PRPF8: variants seen among roughly 807,000 people sequenced by gnomAD.
PRPF8 encodes the protein pre-mRNA processing factor 8, also known as pre-mRNA-processing-splicing factor 8.
In PRPF8, 64 loss-of-function variants were observed where a neutral mutation model predicts 285.9. The ratio of observed to expected loss-of-function variants is 0.22; its 90% CI spans 0.18 to 0.28. PRPF8 has a LOEUF of 0.28. Among genes scored for constraint, PRPF8 ranks in the 10% least tolerant of loss-of-function variants. PRPF8 has a pLI of 1.00. For missense variants in PRPF8, 1,426 were observed against 3,026.7 expected (o/e 0.47, Z 12.41); for synonymous variants, 1,325 against 1,118.2 (o/e 1.18, Z -3.69).
In PRPF8 at chr17:1,655,403, C is replaced by G; in HGVS notation, c.5934G>C (p.Lys1978Asn). 6.2e-7 allele frequency: 1 copy of G among 1,614,064 alleles called. No homozygotes were observed. ...WPTLTDEEWI[K>N]VEVQLKDLIL... is the part of the protein sequence containing the mutation. Reference sequence around the variant, plus strand: ...TCAGATCCTTGAGCTGCACCTCGACCTTGATCCATTCTTCGTCAGTCAGAG... The same window carrying G: ...TCAGATCCTTGAGCTGCACCTCGACGTTGATCCATTCTTCGTCAGTCAGAG... Residue 1978 changes from lysine to asparagine, a missense_variant, in exon 37 of 43, where the codon AAG (lysine) becomes AAC (asparagine). Physicochemically the swap from Lys to Asn is moderately conservative, Grantham distance 94. Transcript: ENST00000304992.
chr17:1,654,051 C>T (rs1291867954), intron 37 of PRPF8, 35 bp from the exon 38 acceptor site: 2 of 1,613,970 alleles, frequency 1.2e-6, no homozygotes, highest in South Asian at 2.2e-5. Flanking sequence ...TACAAGGATC[C>T]CTTCCCCTTG....
At chr17:1,668,578 G>T (rs993654211) in intron 24 of PRPF8, among the ~76,000 whole-genome samples, 20 of 151,768 alleles carry the variant, frequency 1.3e-4, no homozygotes, top group Non-Finnish European at 2.8e-4. Context: ...TAGCCAGGAT[G>T]GTCTCAATCT....
At chr17:1,682,418 C>A in intron 3 of PRPF8, 125 bp from the exon 4 acceptor site, 1 of 1,236,772 alleles carries the variant, frequency 8.1e-7, no homozygotes, top group South Asian at 1.3e-5. Context: ...CCAAACTTAG[C>A]CCACAGGCCC....
At chr17:1,672,051 C>G (rs1346070154) in intron 24 of PRPF8, among the ~76,000 whole-genome samples, 1 of 151,884 alleles carries the variant, frequency 6.6e-6, no homozygotes, top group African/African-American at 2.4e-5. Flanking sequence ...AAAAGAAAAT[C>G]TGAAATCCAA....
chr17:1,670,579 C>T (rs527752758), intron 24 of PRPF8, among the ~76,000 whole-genome samples: 2 of 151,946 alleles, frequency 1.3e-5, no homozygotes, highest in East Asian at 1.9e-4. Context: ...CTCCGCCTCC[C>T]GGGTTCCAGC....
Position 1,667,535 on chromosome 17 carries a change from T to C in PRPF8, c.3775-5382A>G, listed in dbSNP as rs535088899. On this transcript the variant is annotated intron_variant, in intron 24 of 42. Transcript: ENST00000304992. The stretch of plus-strand genomic sequence containing the variant: ...CAAGTTATAGAACTTGCCCATGACA[T>C]AGCTTTTTTTTTTTTTTTTTTTTTT... 3.4e-5 allele frequency among the ~76,000 whole-genome samples: 5 copies of C among 146,996 alleles called. No homozygotes were observed. The East Asian group carries it at 7.9e-4, about 23-fold the overall frequency.
chr17:1,674,787 C>G (rs1912522895), intron 20 of PRPF8, 107 bp from the exon 21 acceptor site: 1 of 1,213,094 alleles, frequency 8.2e-7, no homozygotes, highest in African/African-American at 1.5e-5. Context: ...TTTTCCACTC[C>G]CGAGGCGGAG....
chr17:1,679,570 A>T lies in PRPF8; in HGVS notation c.1289+39T>A, dbSNP rs1244445459. On this transcript the variant is annotated intron_variant, in intron 9 of 42. Transcript: ENST00000304992. The surrounding 1 kb of genome is among the most constrained non-coding windows in gnomAD (Gnocchi z 4.7). ...CTAGTTGGAGTCTTTTCTCCTACAC[A>T]TCCACTATCATTCCCCCTGCCACAG... 8 of 1,611,066 alleles carry T rather than the reference A, an allele frequency of 5.0e-6. No homozygotes were observed. Among genetic ancestry groups the T allele is most frequent in the Non-Finnish European group, 6.8e-6 (8 of 1,179,156 alleles).
At chr17:1,667,618 A>ACCGCAAC (rs1912067731) in intron 24 of PRPF8, among the ~76,000 whole-genome samples, 2 of 135,838 alleles carry the variant, frequency 1.5e-5, no homozygotes, top group East Asian at 2.1e-4. Context: ...ATCTCAGCTC[A>ACCGCAAC]CCGCAACCTC....
intron 24 of PRPF8, among the ~76,000 whole-genome samples, chr17:1,664,505 G>A (rs1292062460): frequency 6.6e-6 from 1 of 152,084 alleles, no homozygotes; most frequent in Non-Finnish European, 1.5e-5. Flanking sequence ...TGTACGCTAG[G>A]ACATCAAAAA....
At chr17:1,667,732 T>C (rs1015894096) in intron 24 of PRPF8, among the ~76,000 whole-genome samples, 2 of 152,052 alleles carry the variant, frequency 1.3e-5, no homozygotes, top group Non-Finnish European at 2.9e-5. Flanking sequence ...TTAGTAGAGA[T>C]GGGGTTTCAC....
chr17:1,668,515 A>G (rs1456652246), intron 24 of PRPF8, among the ~76,000 whole-genome samples: 1 of 151,852 alleles, frequency 6.6e-6, no homozygotes, highest in African/African-American at 2.4e-5. Flanking sequence ...GGCGCCCGCC[A>G]CGACATCCAG....
In PRPF8 at chr17:1,659,791, G is replaced by A; in HGVS notation, c.4946+50C>T. 1.9e-6 allele frequency: 3 copies of A among 1,600,678 alleles called. No individual in the cohort carries two copies. Among genetic ancestry groups the A allele is most frequent in the Non-Finnish European group, 2.6e-6 (3 of 1,169,214 alleles). ...CTAAAGTTGCAGGGCTAGAAGAACA[G>A]GAAAACGAAAGTGTCCTGGCTGCCT... is the stretch of plus-strand genomic sequence containing the variant. On this transcript the variant is annotated intron_variant, in intron 31 of 42. Coordinates refer to ENST00000304992, the MANE Select transcript of PRPF8 (RefSeq NM_006445.4). The surrounding 1 kb of genome is among the most constrained non-coding windows in gnomAD (Gnocchi z 5.1).
Position 1,676,795 on chromosome 17 carries a change from A to G in PRPF8, c.2182-84T>C. The G allele has an allele frequency of 6.5e-7, 1 of 1,534,190 alleles. No homozygotes were observed. Among genetic ancestry groups the G allele is most frequent in the South Asian group, 1.1e-5 (1 of 89,614 alleles). On this transcript the variant is annotated intron_variant, in intron 15 of 42. Transcript: ENST00000304992. The surrounding 1 kb of genome is among the most constrained non-coding windows in gnomAD (Gnocchi z 6.3). Reference sequence around the variant, plus strand: ...TGTAGTCCCGGCTACTCAGGAGGCTAAGGAGGATCGCTTGAGCTCAGGAGC... The same window carrying G: ...TGTAGTCCCGGCTACTCAGGAGGCTGAGGAGGATCGCTTGAGCTCAGGAGC...
At position 1,673,790 on chromosome 17, in the gene PRPF8, C is replaced by G. The variant is rs1219399714; in HGVS notation, c.3402G>C (p.Trp1134Cys). Residue 1134 changes from tryptophan (W) to cysteine (C), a missense_variant, in exon 22 of 43, where the codon TGG becomes TGC. Physicochemically the swap from Trp to Cys is radical, Grantham distance 215. Coordinates refer to ENST00000304992, the MANE Select transcript of PRPF8 (RefSeq NM_006445.4). This position sits in a 1 kb window ranked among gnomAD's most constrained non-coding sequence, Gnocchi z 5.5. Reference protein sequence around the residue: ...NIVGYNNKKCWPRDARMRLMK... With the variant: ...NIVGYNNKKCCPRDARMRLMK... The stretch of plus-strand genomic sequence containing the variant: ...TGAGGCGCATGCGGGCATCTCGGGG[C>G]CAGCACTTCTTGTTATTATAGCCAA... 1 of 1,614,010 alleles carries G rather than the reference C, an allele frequency of 6.2e-7. No individual in the cohort carries two copies.
intron 37 of PRPF8, 189 bp from the exon 38 acceptor site, chr17:1,654,205 C>T (rs1158163187): frequency 7.5e-6 from 6 of 803,936 alleles, no homozygotes; most frequent in African/African-American, 3.3e-5. Flanking sequence ...CAGATCCAAG[C>T]GGGACAGCAC....
chr17:1,651,792 G>A lies in PRPF8; in HGVS notation c.6370-4C>T. On this transcript the variant is annotated splice_polypyrimidine_tract_variant and splice_region_variant and intron_variant, in intron 39 of 42. Coordinates refer to ENST00000304992, the MANE Select transcript of PRPF8 (RefSeq NM_006445.4). The surrounding 1 kb of genome is among the most constrained non-coding windows in gnomAD (Gnocchi z 5.1). The stretch of plus-strand genomic sequence containing the variant: ...CCCCATATAGGTATCCTGCAATCTG[G>A]AGACAAAGGGGTCAGGAACCAAAAC... 1 of 1,614,090 alleles carries A rather than the reference G, an allele frequency of 6.2e-7. No individual in the cohort carries two copies. Among genetic ancestry groups the A allele is most frequent in the Non-Finnish European group, 8.5e-7 (1 of 1,179,990 alleles).
chr17:1,660,045 A>G, intron 30 of PRPF8, 44 bp from the exon 31 acceptor site: 33 of 1,591,874 alleles, frequency 2.1e-5, no homozygotes, highest in Non-Finnish European at 2.8e-5. Flanking sequence ...AAGGAAGCCC[A>G]ATTAAAATCA....
rs1447837676 is a variant in PRPF8 at position 1,652,137 on chromosome 17, T to C, written c.6370-349A>G. 11 of 410,844 alleles carry C rather than the reference T, an allele frequency of 2.7e-5. No individual in the cohort carries two copies. The East Asian group carries it at 4.2e-4, about 16-fold the overall frequency. 25.4% of individuals were successfully genotyped at this position (410,844 alleles called of 1,614,324 possible). A position where few individuals can be genotyped will look rare whatever the true frequency, so the allele number is the denominator to read the frequency against. On this transcript the variant is annotated intron_variant, in intron 39 of 42. Transcript: ENST00000304992. ...TCTGGAAAACCAGCACTTGGTGCTA[T>C]TTTAAGTTTTACATTATCACCAAGA...
Sources: allele counts gnomAD v4.1 joint callset (sites outside exome capture counted in the v4.1 genomes callset), GRCh38; gene constraint gnomAD v4.1.1; non-coding constraint Gnocchi (gnomAD v3.1); transcripts MANE v1.5; gene names NCBI Gene and HGNC (gene_info 2026-07-23, HGNC 2026-07-21).